Variants in IPO11 observed in about 807,000 individuals in gnomAD.
IPO11 encodes the protein importin 11.
In IPO11, 66 loss-of-function variants were observed where a neutral mutation model predicts 143.2. That is an observed-to-expected ratio of 0.46 (90% CI 0.38 to 0.57). IPO11 has a LOEUF of 0.57. Among genes scored for constraint, IPO11 ranks in the 20% least tolerant of loss-of-function variants. The probability of loss-of-function intolerance (pLI) is 0.00; values close to 1 mark genes in which losing one functional copy is unlikely to be tolerated. For missense variants in IPO11, 1,026 were observed against 1,141.0 expected, an observed-to-expected ratio of 0.90 and a Z score of 1.45; for synonymous variants, 385 against 377.8, an observed-to-expected ratio of 1.02 and a Z score of -0.22.
intron 26 of IPO11, among the ~76,000 whole-genome samples, chr5:62,559,038 T>C (rs560793504): frequency 3.3e-4 from 50 of 152,210 alleles, no homozygotes; most frequent in Non-Finnish European, 6.8e-4. Context: ...TAAAAATAAT[T>C]TATTGCTAGA....
At chr5:62,435,512 C>G (rs1016494067) in intron 1 of IPO11, among the ~76,000 whole-genome samples, 6 of 151,778 alleles carry the variant, frequency 4.0e-5, no homozygotes, top group African/African-American at 1.5e-4. Context: ...GTGGAAAGAT[C>G]ACTTGAGATC....
chr5:62,438,685 G>A (rs1284760085), intron 2 of IPO11, among the ~76,000 whole-genome samples: 1 of 151,904 alleles, frequency 6.6e-6, no homozygotes, highest in Admixed American at 6.6e-5. Context: ...TCAGGAGGCG[G>A]AGGTTGCAGT....
chr5:62,535,862 G>A (rs1742716539), intron 22 of IPO11, among the ~76,000 whole-genome samples: 1 of 152,058 alleles, frequency 6.6e-6, no homozygotes, highest in South Asian at 2.1e-4. Context: ...AGAATGGCAG[G>A]TTTTAGGCAT....
chr5:62,585,899 T>G (rs1744754714), intron 27 of IPO11, among the ~76,000 whole-genome samples: 1 of 152,194 alleles, frequency 6.6e-6, no homozygotes, highest in South Asian at 2.1e-4. Flanking sequence ...CAAAACTGAA[T>G]TCCTGGTTTC....
chr5:62,537,069 C>T (rs933979365), intron 23 of IPO11, 140 bp from the exon 24 acceptor site: 18 of 562,666 alleles, frequency 3.2e-5, no homozygotes, highest in Middle Eastern at 4.9e-4. Flanking sequence ...TTTTCCTAAG[C>T]GTTCTGATTG....
chr5:62,441,056 G>T (rs1374283387), intron 2 of IPO11, among the ~76,000 whole-genome samples: 3 of 152,044 alleles, frequency 2.0e-5, no homozygotes, highest in South Asian at 2.1e-4. Flanking sequence ...GGTTTAAGAG[G>T]TCACCTTTGG....
At chr5:62,438,164 A>G (rs1026611287) in intron 2 of IPO11, among the ~76,000 whole-genome samples, 33 of 152,208 alleles carry the variant, frequency 2.2e-4, no homozygotes, top group African/African-American at 7.2e-4. Context: ...TGTTTATTAT[A>G]TCTTGCAAAA....
chr5:62,561,131 T>C lies in IPO11; in HGVS notation c.2461-5T>C. 1.2e-6 allele frequency: 2 copies of C among 1,602,418 alleles called. No individual in the cohort carries two copies. The highest frequency in any genetic ancestry group is 1.7e-6 in the Non-Finnish European group (2 of 1,175,034). On this transcript the variant is annotated splice_region_variant and splice_polypyrimidine_tract_variant and intron_variant, in intron 26 of 29. Transcript: ENST00000325324. ...ATTTTGAGATGCCTCCTCCTCTTGT[T>C]TCAGATGGACCAGCTTTTGGGAAAT...
Position 62,551,334 on chromosome 5 carries a change from G to T in IPO11, c.2458G>T (p.Glu820Ter). 1 of 1,474,004 alleles carries T rather than the reference G, an allele frequency of 6.8e-7. No individual in the cohort carries two copies. The highest frequency in any genetic ancestry group is 9.5e-7 in the Non-Finnish European group (1 of 1,055,462). 91.3% of individuals were successfully genotyped at this position (1,474,004 alleles called of 1,614,324 possible). A position where few individuals can be genotyped will look rare whatever the true frequency, so the allele number is the denominator to read the frequency against. ...TGAGATGGCCCATAAATTTAATCAG[G>T]AGGTAAGAATCAATATACTTAAATT... Reference protein sequence around the residue: ...LNEMAHKFNQEMDQLLGNMIE... With the variant: ...LNEMAHKFNQ The change falls in exon 26 of 30, where the codon GAG (glutamate) becomes TAG (stop). Residue 820 changes from glutamate to a stop codon, truncating the protein, a stop_gained and splice_region_variant. Coordinates refer to ENST00000325324, the MANE Select transcript of IPO11 (RefSeq NM_016338.5). LOFTEE classifies it high-confidence loss of function.
Position 62,448,562 on chromosome 5 carries a change from G to C in IPO11, c.240-1365G>C, listed in dbSNP as rs537965126. ...TTTTAAGAAAACTTTGTTTTGTTTTGTTTTTAGAGACAGGGTCTTGCTCCG... is the reference window on the plus strand; with the variant it reads ...TTTTAAGAAAACTTTGTTTTGTTTTCTTTTTAGAGACAGGGTCTTGCTCCG... On this transcript the variant is annotated intron_variant, in intron 3 of 29. Transcript: ENST00000325324. Among the ~76,000 whole-genome samples the C allele has an allele frequency of 1.2e-3, 178 of 152,082 alleles. 1 individual carries two copies. The highest frequency in any genetic ancestry group is 4.2e-3 in the African/African-American group (174 of 41,484).
intron 1 of IPO11, among the ~76,000 whole-genome samples, chr5:62,428,267 T>C (rs1489891337): frequency 3.3e-5 from 5 of 152,094 alleles, no homozygotes; most frequent in Admixed American, 2.0e-4. Context: ...TGAGCTCAAG[T>C]GATCCTTCCA....
chr5:62,557,205 C>T (rs901931891), intron 26 of IPO11, among the ~76,000 whole-genome samples: 1 of 151,420 alleles, frequency 6.6e-6, no homozygotes, highest in Non-Finnish European at 1.5e-5. Flanking sequence ...TTTTTTGAGA[C>T]GGAGTTTCAA....
rs148584084 is a variant in IPO11 at position 62,619,592 on chromosome 5, G to A, written c.2764-7562G>A. On this transcript the variant is annotated intron_variant, in intron 29 of 29. Transcript: ENST00000325324. The stretch of plus-strand genomic sequence containing the variant: ...AAACAGGCCGGGCGTGGTGGCTCAC[G>A]CTTGTAATCCCAGCACTTTGGGAGG... Among the ~76,000 whole-genome samples the A allele has an allele frequency of 6.3e-3, 963 of 152,108 alleles. 16 individuals are homozygous for A. Among genetic ancestry groups the A allele is most frequent in the African/African-American group, 0.022 (918 of 41,510 alleles).
chr5:62,437,370 C>A lies in IPO11; in HGVS notation c.91C>A (p.Gln31Lys). ...TGCTGTGTTAAAACCAGCTGAGGAG[C>A]AGTTGAAGCAGTGGGAGACACAGCC... ...DTAVLKPAEE[Q>K]LKQWETQPGF... is the part of the protein sequence containing the mutation. The change falls in exon 2 of 30, where the codon CAG becomes AAG. Residue 31 changes from glutamine to lysine, a missense_variant. Physicochemically the swap from Gln to Lys is moderately conservative, Grantham distance 53 (BLOSUM62 1). This residue lies in a region of IPO11 where 429 missense variants were observed against 456.3 expected (regional missense o/e 0.94). Transcript: ENST00000325324. 3.7e-6 allele frequency: 6 copies of A among 1,612,652 alleles called. No individual in the cohort carries two copies. Among genetic ancestry groups the A allele is most frequent in the Non-Finnish European group, 4.2e-6 (5 of 1,179,188 alleles).
chr5:62,489,293 A>C lies in IPO11; in HGVS notation c.1310-9A>C. The C allele has an allele frequency of 6.7e-7, 1 of 1,499,708 alleles. No individual in the cohort carries two copies. Among genetic ancestry groups the C allele is most frequent in the Non-Finnish European group, 9.0e-7 (1 of 1,110,768 alleles). The allele number at this position is 1,499,708 out of a possible 1,614,324, so 92.9% of individuals were successfully genotyped here. The stretch of plus-strand genomic sequence containing the variant: ...TTTACTGATACCTATTTATATATAT[A>C]TTTTTTAGGACCCACAAATGTGGAA... On this transcript the variant is annotated splice_polypyrimidine_tract_variant and intron_variant, in intron 13 of 29. Coordinates refer to ENST00000325324, the MANE Select transcript of IPO11 (RefSeq NM_016338.5).
chr5:62,519,938 C>T (rs762150935), intron 20 of IPO11, among the ~76,000 whole-genome samples: 29 of 152,168 alleles, frequency 1.9e-4, no homozygotes, highest in Non-Finnish European at 3.7e-4. Context: ...CCCTCTTGTT[C>T]CCAAGTCCAG....
intron 29 of IPO11, among the ~76,000 whole-genome samples, chr5:62,624,890 C>T (rs995513582): frequency 6.7e-6 from 1 of 148,950 alleles, no homozygotes; most frequent in Non-Finnish European, 1.5e-5. Flanking sequence ...GAGGCTGAGG[C>T]AGGAGAATGG....
intron 1 of IPO11, among the ~76,000 whole-genome samples, chr5:62,420,972 A>G (rs1743495239): frequency 6.6e-6 from 1 of 152,226 alleles, no homozygotes; most frequent in Admixed American, 6.5e-5. Flanking sequence ...CCAAAGTTGT[A>G]TTAATAGATA....
intron 15 of IPO11, among the ~76,000 whole-genome samples, chr5:62,490,425 T>C: frequency 6.6e-6 from 1 of 152,162 alleles, no homozygotes. Context: ...AGGAGGACTT[T>C]ATGCAAAGAT....
Sources: gnomAD v4.1 joint callset for allele counts (sites outside exome capture counted in the v4.1 genomes callset) on GRCh38, gnomAD v4.1.1 for gene constraint, gnomAD v4.1.1 regional missense constraint, MANE v1.5 for transcripts, NCBI Gene and HGNC (gene_info 2026-07-23, HGNC 2026-07-21) for gene names.